Variants in UNC13B observed in about 807,000 individuals in gnomAD.
UNC13B encodes unc-13 homolog B.
In UNC13B, 144 loss-of-function variants were observed where a neutral mutation model predicts 211.0. The observed-to-expected ratio is 0.68, with a 90% confidence interval of 0.60 to 0.78. The LOEUF is 0.78. Among genes scored for constraint, UNC13B ranks in the 30% least tolerant of loss-of-function variants. UNC13B has a pLI of 0.00. For synonymous variants in UNC13B, 709 were observed against 725.8 expected (o/e 0.98, Z 0.37); for missense variants, 1,777 against 2,002.0 (o/e 0.89, Z 2.14).
At chr9:35,197,934 T>C (rs1278544782) in intron 1 of UNC13B, among the ~76,000 whole-genome samples, 1 of 152,152 alleles carries the variant, frequency 6.6e-6, no homozygotes, top group Non-Finnish European at 1.5e-5. Context: ...TAGTTCTTTA[T>C]AGCAATGTGA....
At chr9:35,351,540 T>G in intron 11 of UNC13B, 2 of 1,232,338 alleles carry the variant, frequency 1.6e-6, no homozygotes, top group Non-Finnish European at 2.0e-6. Flanking sequence ...AAGCGATTGT[T>G]GCAAGAGTCA....
At chr9:35,297,756 A>G (rs1048922785) in intron 8 of UNC13B, among the ~76,000 whole-genome samples, 12 of 150,704 alleles carry the variant, frequency 8.0e-5, no homozygotes, top group African/African-American at 1.5e-4. Flanking sequence ...TCACTGTGTT[A>G]GCCAGGATGG....
intron 7 of UNC13B, among the ~76,000 whole-genome samples, chr9:35,267,208 AGATTCCTAT>A (rs2131662638): frequency 6.6e-6 from 1 of 152,318 alleles, no homozygotes; most frequent in South Asian, 2.1e-4. Context: ...CATCACAAAG[AGATTCCTAT>A]GCTCCAAGTT....
intron 7 of UNC13B, among the ~76,000 whole-genome samples, chr9:35,259,648 A>C (rs2131628497): frequency 6.6e-6 from 1 of 152,158 alleles, no homozygotes; most frequent in South Asian, 2.1e-4. Context: ...TTAATTATTG[A>C]AATGAGCCAT....
chr9:35,238,136 G>T (rs1825616317), intron 5 of UNC13B, among the ~76,000 whole-genome samples: 1 of 152,090 alleles, frequency 6.6e-6, no homozygotes, highest in African/African-American at 2.4e-5. Flanking sequence ...AACATTTATT[G>T]TCTTGAAGTG....
intron 37 of UNC13B, among the ~76,000 whole-genome samples, chr9:35,401,474 A>G (rs1411646542): frequency 6.6e-6 from 1 of 152,218 alleles, no homozygotes; most frequent in Non-Finnish European, 1.5e-5. Context: ...TACACCATCA[A>G]GGAAGATCTG....
chr9:35,171,332 C>T (rs1038363337), intron 1 of UNC13B, among the ~76,000 whole-genome samples: 10 of 148,000 alleles, frequency 6.8e-5, no homozygotes, highest in African/African-American at 2.5e-4. Context: ...AAACTCCTGA[C>T]CTCAGGTGAC....
At position 35,237,781 on chromosome 9, in the gene UNC13B, A is replaced by G; in HGVS notation, c.349A>G (p.Thr117Ala). The change falls in exon 5 of 40, where the codon ACT becomes GCT. Residue 117 changes from threonine (T) to alanine (A), a missense_variant. By Grantham distance (58) the Thr-to-Ala change is moderately conservative. Coordinates refer to ENST00000635942, the MANE Select transcript of UNC13B (RefSeq NM_001371189.2). ...DDEICGTRNPTPHKILLDTRF... is the reference protein window; with the variant it reads ...DDEICGTRNPAPHKILLDTRF... The stretch of plus-strand genomic sequence containing the variant: ...TGAGATCTGTGGAACTAGAAACCCA[A>G]CTCCTCATAAAATTTTGCTTGATAC... The G allele has an allele frequency of 6.2e-7, 1 of 1,613,892 alleles. No homozygotes were observed.
intron 17 of UNC13B, 127 bp from the exon 18 acceptor site, chr9:35,380,343 G>C (rs918565570): frequency 9.9e-7 from 1 of 1,009,406 alleles, no homozygotes; most frequent in Non-Finnish European, 1.4e-6. Flanking sequence ...TTGTACTGCT[G>C]TCCTCTGACT....
At chr9:35,322,165 G>A (rs1830767992) in intron 11 of UNC13B, among the ~76,000 whole-genome samples, 1 of 152,204 alleles carries the variant, frequency 6.6e-6, no homozygotes, top group Non-Finnish European at 1.5e-5. Flanking sequence ...TTCTGGGCTG[G>A]CTGAGTACAT....
At chr9:35,356,845 A>G (rs1342391472) in intron 11 of UNC13B, among the ~76,000 whole-genome samples, 1 of 152,192 alleles carries the variant, frequency 6.6e-6, no homozygotes, top group African/African-American at 2.4e-5. Context: ...TGTACATTTC[A>G]TATAAATGGG....
chr9:35,183,855 G>A (rs1322277564), intron 1 of UNC13B, among the ~76,000 whole-genome samples: 1 of 146,530 alleles, frequency 6.8e-6, no homozygotes, highest in African/African-American at 2.5e-5. Context: ...GGGCGGCCGG[G>A]CAGAGGCGCT....
At chr9:35,207,240 G>GCA (rs1398474155) in intron 1 of UNC13B, among the ~76,000 whole-genome samples, 2 of 151,850 alleles carry the variant, frequency 1.3e-5, no homozygotes, top group Non-Finnish European at 2.9e-5. Flanking sequence ...ATATTTTCAT[G>GCA]TATTTATTGA....
intron 1 of UNC13B, among the ~76,000 whole-genome samples, chr9:35,218,937 T>C (rs1159461312): frequency 2.6e-5 from 4 of 151,892 alleles, no homozygotes; most frequent in African/African-American, 7.3e-5. Context: ...TTAGTAGAGA[T>C]GGGGTTTCTC....
At position 35,397,280 on chromosome 9, in the gene UNC13B, C is replaced by A. The variant is rs951089448; in HGVS notation, c.11646C>A (p.Ile3882=). 5.6e-6 allele frequency: 9 copies of A among 1,614,048 alleles called. No homozygotes were observed. In the Admixed American group the frequency reaches 6.7e-5, roughly 12 times the overall value. The change falls in exon 29 of 40, where the codon ATC becomes ATA. Residue 3882 remains isoleucine (I), a synonymous_variant. Transcript: ENST00000635942. ...AGCTGGAATGCCCAGACCCCAGCAT[C>A]CTTGCCCACTACATGAGGAGGTTTG... ...IRKLECPDPS[I]LAHYMRRFAK... is the part of the protein sequence containing the mutation.
chr9:35,374,801 T>C (rs533344312), intron 13 of UNC13B, among the ~76,000 whole-genome samples: 31 of 152,344 alleles, frequency 2.0e-4, no homozygotes, highest in Non-Finnish European at 4.0e-4. Context: ...TCTAAGCTTT[T>C]CATTTTCCTT....
At position 35,335,541 on chromosome 9, in the gene UNC13B, G is replaced by A. The variant is rs151226919; in HGVS notation, c.9414+21552G>A. On this transcript the variant is annotated intron_variant, in intron 11 of 39. Transcript: ENST00000635942. Reference sequence around the variant, plus strand: ...CATGCTAAGGAAATGTGTTTATTCAGTCCTCACCTGAGAACACTCAGACTT... The same window carrying A: ...CATGCTAAGGAAATGTGTTTATTCAATCCTCACCTGAGAACACTCAGACTT... Among the ~76,000 whole-genome samples, 55 of 152,260 alleles carry A rather than the reference G, an allele frequency of 3.6e-4. 1 individual carries two copies. The highest frequency in any genetic ancestry group is 1.2e-3 in the African/African-American group (50 of 41,550).
chr9:35,179,528 C>T (rs1417805597), intron 1 of UNC13B, among the ~76,000 whole-genome samples: 5 of 152,112 alleles, frequency 3.3e-5, no homozygotes, highest in African/African-American at 1.2e-4. Context: ...CAGTGGCTCG[C>T]TCCTGTAATC....
chr9:35,183,753 T>C (rs1587317085), intron 1 of UNC13B, among the ~76,000 whole-genome samples: 3 of 99,354 alleles, frequency 3.0e-5, no homozygotes, highest in South Asian at 3.8e-4. Context: ...GAGGCGCTCC[T>C]CACATCCCAG....
Sources: allele counts gnomAD v4.1 joint callset (sites outside exome capture counted in the v4.1 genomes callset), GRCh38; gene constraint gnomAD v4.1.1; transcripts MANE v1.5; gene names NCBI Gene and HGNC (gene_info 2026-07-23, HGNC 2026-07-21).